Variants in BTN3A2 observed in about 807,000 individuals in gnomAD.
The protein encoded by BTN3A2 is butyrophilin protein.
A neutral mutation model predicts 37.6 loss-of-function variants in BTN3A2; 25 were observed. The ratio of observed to expected loss-of-function variants is 0.66; its 90% CI spans 0.48 to 0.93. The LOEUF (loss-of-function observed/expected upper bound fraction) is 0.93. BTN3A2 is among the 40% of genes least tolerant of loss of function. The probability of loss-of-function intolerance (pLI) is 0.00; values close to 1 mark genes in which losing one functional copy is unlikely to be tolerated. For missense variants in BTN3A2, 266 were observed against 410.9 expected (o/e 0.65, Z 3.05); for synonymous variants, 122 against 159.4 (o/e 0.77, Z 1.77).
At position 26,374,350 on chromosome 6, in the gene BTN3A2, ACCAATAAGTCAGCCTGATGC is replaced by A. The variant is rs1329126190; in HGVS notation, c.989_*3del. ...AGGTGGAGAGGAGTCTTCGTCCGAT[ACCAATAAGTCAGCCTGATGC>A]TCTGTAAGTTTGCTGGGTCACATGC... On this transcript the variant is annotated stop_lost and 3_prime_UTR_variant, in exon 9 of 11. Coordinates refer to ENST00000377708, the MANE Select transcript of BTN3A2 (RefSeq NM_007047.5). 2 of 1,613,578 alleles carry A rather than the reference ACCAATAAGTCAGCCTGATGC, an allele frequency of 1.2e-6. No homozygotes were observed. Among genetic ancestry groups the A allele is most frequent in the Non-Finnish European group, 8.5e-7 (1 of 1,179,934 alleles).
chr6:26,370,498 G>A lies in BTN3A2; in HGVS notation c.610G>A (p.Val204Ile). The A allele has an allele frequency of 6.2e-7, 1 of 1,614,212 alleles. No homozygotes were observed. Among genetic ancestry groups the A allele is most frequent in the South Asian group, 1.1e-5 (1 of 91,088 alleles). ...VVADGVGLYE[V>I]AASVIMRGGS... ...TGCAGATGGAGTGGGCCTATATGAA[G>A]TAGCAGCATCTGTGATCATGAGAGG... is the stretch of plus-strand genomic sequence containing the variant. Residue 204 changes from valine (V) to isoleucine (I), a missense_variant, in exon 5 of 11, where the codon GTA becomes ATA. By Grantham distance (29) the Val-to-Ile change is conservative. Around this residue, in one of 3 missense-constraint regions of BTN3A2, gnomAD observed 204 missense variants for 232.6 expected, o/e 0.88. Transcript: ENST00000377708.
chr6:26,371,426 TCAAA>T (rs1426894146), intron 5 of BTN3A2, among the ~76,000 whole-genome samples: 1 of 152,170 alleles, frequency 6.6e-6, no homozygotes, highest in African/African-American at 2.4e-5. Context: ...TTTGCAAAAA[TCAAA>T]ACTGCTTTGG....
rs925997787 is a variant in BTN3A2 at position 26,370,201 on chromosome 6, T to C, written c.434-121T>C. The C allele has an allele frequency of 4.5e-6, 6 of 1,323,130 alleles. No individual in the cohort carries two copies. The Admixed American group carries it at 1.4e-4, about 32-fold the overall frequency. 82.0% of individuals were successfully genotyped at this position (1,323,130 alleles called of 1,614,324 possible). A position where few individuals can be genotyped will look rare whatever the true frequency, so the allele number is the denominator to read the frequency against. On this transcript the variant is annotated intron_variant, in intron 4 of 10. Transcript: ENST00000377708. ...TCCCCTCATCATGACCACACTTTTG[T>C]AAACAGCTCCTGAATGAAATATCTC...
At chr6:26,372,626 A>C in intron 5 of BTN3A2, 1 of 422,526 alleles carries the variant, frequency 2.4e-6, no homozygotes, top group South Asian at 3.3e-5. Flanking sequence ...CTATTGAAAA[A>C]ATATTTAGAA....
In BTN3A2 at chr6:26,377,422, G is replaced by A. The variant is rs1293454990; in HGVS notation, c.*1660G>A. 4 of 472,022 alleles carry A rather than the reference G, an allele frequency of 8.5e-6. No individual in the cohort carries two copies. Among genetic ancestry groups the A allele is most frequent in the Admixed American group, 3.4e-5 (1 of 29,540 alleles). The allele number at this position is 472,022 out of a possible 1,614,324, so 29.2% of individuals were successfully genotyped here. On this transcript the variant is annotated 3_prime_UTR_variant, in exon 11 of 11. Coordinates refer to ENST00000377708, the MANE Select transcript of BTN3A2 (RefSeq NM_007047.5). ...AAAAGTGTATTGACTTTACAAAGCAGACAGGAATAGTGAACAACAGAGCTG... is the reference window on the plus strand; with the variant it reads ...AAAAGTGTATTGACTTTACAAAGCAAACAGGAATAGTGAACAACAGAGCTG...
Position 26,376,215 on chromosome 6 carries a change from G to GAAAAAAAA in BTN3A2, c.*467_*474dup, listed in dbSNP as rs71544679. 25 of 75,412 alleles carry GAAAAAAAA rather than the reference G, an allele frequency of 3.3e-4. No individual in the cohort carries two copies. Among genetic ancestry groups the GAAAAAAAA allele is most frequent in the Non-Finnish European group, 4.8e-4 (19 of 39,896 alleles). The allele number at this position is 75,412 out of a possible 1,614,324, so 4.7% of individuals were successfully genotyped here. ...GAGACAGAGCGAGACTCTGTCTCAAGAAAAAAAAAAAAAAAAAAAAAGAAA... is the reference window on the plus strand; with the variant it reads ...GAGACAGAGCGAGACTCTGTCTCAAGAAAAAAAAAAAAAAAAAAAAAAAAAAAAAGAAA... On this transcript the variant is annotated 3_prime_UTR_variant, in exon 11 of 11. Coordinates refer to ENST00000377708, the MANE Select transcript of BTN3A2 (RefSeq NM_007047.5).
intron 1 of BTN3A2, among the ~76,000 whole-genome samples, chr6:26,365,845 T>G (rs1284822705): frequency 6.6e-6 from 1 of 152,138 alleles, no homozygotes; most frequent in Non-Finnish European, 1.5e-5. Context: ...TATAATATAG[T>G]AAAATCTGAA....
In BTN3A2 at chr6:26,376,594, A is replaced by T. The variant is rs1476347395; in HGVS notation, c.*832A>T. ...GCAGCAGATGTAATTCTGTATCCAG[A>T]CATGGCAAATGCCATCCTCCTTGTT... is the stretch of plus-strand genomic sequence containing the variant. On this transcript the variant is annotated 3_prime_UTR_variant, in exon 11 of 11. Transcript: ENST00000377708. 5.7e-5 allele frequency: 82 copies of T among 1,434,652 alleles called. 1 individual carries two copies. Among genetic ancestry groups the T allele is most frequent in the Non-Finnish European group, 7.9e-5 (82 of 1,042,070 alleles). 88.9% of individuals were successfully genotyped at this position (1,434,652 alleles called of 1,614,324 possible). A position where few individuals can be genotyped will look rare whatever the true frequency, so the allele number is the denominator to read the frequency against.
intron 8 of BTN3A2, 42 bp downstream of exon 8, chr6:26,373,455 T>C: frequency 6.3e-7 from 1 of 1,585,254 alleles, no homozygotes; most frequent in Non-Finnish European, 8.6e-7. Flanking sequence ...AATCTGTTAC[T>C]CTCTCTCTGC....
chr6:26,375,536 A>G, intron 10 of BTN3A2: 1 of 1,180,236 alleles, frequency 8.5e-7, no homozygotes, highest in Non-Finnish European at 1.2e-6. Flanking sequence ...GGCCAAACAC[A>G]GCAGCAAACC....
intron 5 of BTN3A2, among the ~76,000 whole-genome samples, chr6:26,372,113 C>G (rs1760175780): frequency 6.6e-6 from 1 of 152,166 alleles, no homozygotes; most frequent in African/African-American, 2.4e-5. Context: ...TCTCTCTATA[C>G]TAATATGGAA....
At chr6:26,373,752 T>A in intron 8 of BTN3A2, 1 of 255,406 alleles carries the variant, frequency 3.9e-6, no homozygotes, top group Non-Finnish European at 7.3e-6. Flanking sequence ...ACTTGTTGTT[T>A]CCCATAATCT....
chr6:26,368,227 T>A lies in BTN3A2; in HGVS notation c.45T>A (p.His15Gln). ...TGGCTTTCCTTCTGCTCAACTTTCA[T>A]GTCTCCCTCCTCTTGGTCCAGCTGC... ...SSLAFLLLNF[H>Q]VSLLLVQLLT... The change falls in exon 3 of 11, where the codon CAT becomes CAA. Residue 15 changes from histidine to glutamine, a missense_variant. By Grantham distance (24) the His-to-Gln change is conservative. Around this residue, in one of 3 missense-constraint regions of BTN3A2, gnomAD observed 47 missense variants for 77.3 expected, o/e 0.61. Coordinates refer to ENST00000377708, the MANE Select transcript of BTN3A2 (RefSeq NM_007047.5). 6.2e-7 allele frequency: 1 copy of A among 1,614,248 alleles called. No homozygotes were observed. Among genetic ancestry groups the A allele is most frequent in the Non-Finnish European group, 8.5e-7 (1 of 1,180,048 alleles).
intron 1 of BTN3A2, among the ~76,000 whole-genome samples, chr6:26,365,994 A>G (rs1762029785): frequency 6.6e-6 from 1 of 152,202 alleles, no homozygotes; most frequent in African/African-American, 2.4e-5. Context: ...GGATCCTTAT[A>G]TTAAACCATT....
At chr6:26,369,455 A>T (rs1759881013) in intron 4 of BTN3A2, among the ~76,000 whole-genome samples, 1 of 152,188 alleles carries the variant, frequency 6.6e-6, no homozygotes, top group Non-Finnish European at 1.5e-5. Flanking sequence ...CAGACTTGGT[A>T]TACAATTTGG....
At chr6:26,374,541 C>A (rs1417016653) in intron 9 of BTN3A2, 168 bp downstream of exon 9, 6 of 867,394 alleles carry the variant, frequency 6.9e-6, no homozygotes, top group Non-Finnish European at 1.1e-5. Flanking sequence ...ATCCTGCACA[C>A]CCCCTTGTAA....
intron 1 of BTN3A2, among the ~76,000 whole-genome samples, chr6:26,365,993 T>C (rs977081739): frequency 6.6e-6 from 1 of 152,222 alleles, no homozygotes; most frequent in Non-Finnish European, 1.5e-5. Context: ...TGGATCCTTA[T>C]ATTAAACCAT....
rs774800322 is a variant in BTN3A2 at position 26,373,392 on chromosome 6, A to G, written c.943A>G (p.Lys315Glu). Reference protein sequence around the residue: ...RESLQEELKRKKIQYLTRGEE... With the variant: ...RESLQEELKREKIQYLTRGEE... ...CCCTGTTCATTCCATTGCAGAGAGG[A>G]AAAAAATCCAGTACTTGACTCGTGA... Residue 315 changes from lysine (K) to glutamate (E), a missense_variant, in exon 8 of 11, where the codon AAA (lysine) becomes GAA (glutamate). Around this residue, in one of 3 missense-constraint regions of BTN3A2, gnomAD observed 204 missense variants for 232.6 expected, o/e 0.88. Coordinates refer to ENST00000377708, the MANE Select transcript of BTN3A2 (RefSeq NM_007047.5). The G allele has an allele frequency of 3.5e-5, 56 of 1,602,270 alleles. No homozygotes were observed. Among genetic ancestry groups the G allele is most frequent in the Non-Finnish European group, 4.8e-5 (56 of 1,176,816 alleles).
At chr6:26,373,172 C>T in intron 6 of BTN3A2, 75 bp downstream of exon 6, 17 of 1,605,838 alleles carry the variant, frequency 1.1e-5, no homozygotes, top group South Asian at 2.2e-5. Context: ...CTCTCCCCTA[C>T]CCTGGCACTG....
Sources: allele counts gnomAD v4.1 joint callset (sites outside exome capture counted in the v4.1 genomes callset), GRCh38; gene constraint gnomAD v4.1.1; regional missense constraint gnomAD v4.1.1; transcripts MANE v1.5; gene names NCBI Gene and HGNC (gene_info 2026-07-23, HGNC 2026-07-21).